The following ST3GAL3 variants were observed in gnomAD, a reference collection of about 807,000 sequenced individuals.
ST3GAL3 encodes the protein ST3 beta-galactoside alpha-2,3-sialyltransferase 3, also known as CMP-N-acetylneuraminate-beta-1,4-galactoside alpha-2,3-sialyltransferase.
A neutral mutation model predicts 50.1 loss-of-function variants in ST3GAL3; 21 were observed. That is an observed-to-expected ratio of 0.42 (90% CI 0.30 to 0.60). The LOEUF is 0.60. Among genes scored for constraint, ST3GAL3 ranks in the 20% least tolerant of loss-of-function variants. The pLI, the probability that ST3GAL3 is intolerant of heterozygous loss-of-function variation, is 0.19. For missense variants in ST3GAL3, 353 were observed against 489.4 expected (o/e 0.72, Z 2.63); for synonymous variants, 183 against 190.0 (o/e 0.96, Z 0.30).
At chr1:43,815,995 A>G (rs764001512) in intron 4 of ST3GAL3, among the ~76,000 whole-genome samples, 28 of 151,748 alleles carry the variant, frequency 1.8e-4, no homozygotes, top group African/African-American at 4.4e-4. Context: ...AGCTCTCTCT[A>G]CTCTGTGTGT....
chr1:43,751,949 G>A (rs1490090737), intron 2 of ST3GAL3, among the ~76,000 whole-genome samples: 1 of 151,952 alleles, frequency 6.6e-6, no homozygotes, highest in Non-Finnish European at 1.5e-5. Context: ...TTCCTCAGTA[G>A]CTGGGATTAC....
intron 4 of ST3GAL3, among the ~76,000 whole-genome samples, chr1:43,820,488 A>G (rs889493934): frequency 6.6e-6 from 1 of 152,222 alleles, no homozygotes; most frequent in Non-Finnish European, 1.5e-5. Flanking sequence ...TTGCACAGCA[A>G]AAGAAACTAT....
intron 1 of ST3GAL3, among the ~76,000 whole-genome samples, chr1:43,731,557 ATTTT>A (rs147263689): frequency 8.1e-6 from 1 of 123,546 alleles, no homozygotes. Context: ...GCTAATTTTA[ATTTT>A]TTTTTTTTTT....
At chr1:43,861,420 T>A (rs1186281724) in intron 5 of ST3GAL3, among the ~76,000 whole-genome samples, 1 of 130,654 alleles carries the variant, frequency 7.7e-6, no homozygotes, top group Admixed American at 8.0e-5. Flanking sequence ...TCCAGTAATA[T>A]GTCTTGGTGT....
chr1:43,759,435 C>T (rs1446444790), intron 2 of ST3GAL3, among the ~76,000 whole-genome samples: 6 of 152,144 alleles, frequency 3.9e-5, no homozygotes, highest in Non-Finnish European at 8.8e-5. Context: ...CAGAGCGAGA[C>T]TCCATCTCAA....
At chr1:43,732,576 T>TA (rs1571690443) in intron 1 of ST3GAL3, among the ~76,000 whole-genome samples, 1 of 152,306 alleles carries the variant, frequency 6.6e-6, no homozygotes, top group South Asian at 2.1e-4. Context: ...ACAACAGCTA[T>TA]AAAAAATCCT....
intron 2 of ST3GAL3, among the ~76,000 whole-genome samples, chr1:43,781,925 A>G (rs1572751529): frequency 6.6e-6 from 1 of 152,332 alleles, no homozygotes; most frequent in Non-Finnish European, 1.5e-5. Flanking sequence ...ATACTTCATT[A>G]AGTCAAACTG....
At chr1:43,858,435 C>A (rs1245660735) in intron 5 of ST3GAL3, 1 of 800,826 alleles carries the variant, frequency 1.2e-6, no homozygotes, top group Non-Finnish European at 1.7e-6. Flanking sequence ...CTGGTGAGAG[C>A]AGGCAGGCTG....
At chr1:43,889,013 C>G (rs1233283968) in intron 5 of ST3GAL3, among the ~76,000 whole-genome samples, 1 of 151,874 alleles carries the variant, frequency 6.6e-6, no homozygotes, top group Non-Finnish European at 1.5e-5. Flanking sequence ...ACCTACTTTA[C>G]AAAAGACTGG....
intron 11 of ST3GAL3, among the ~76,000 whole-genome samples, chr1:43,928,073 G>A (rs1267508834): frequency 6.6e-6 from 1 of 152,232 alleles, no homozygotes; most frequent in Admixed American, 6.5e-5. Context: ...AGATGTAAAA[G>A]ATTTGGAAGG....
intron 5 of ST3GAL3, chr1:43,841,989 C>A (rs1280881521): frequency 6.6e-6 from 1 of 152,214 alleles, no homozygotes; most frequent in Non-Finnish European, 1.5e-5. Context: ...AATATGCAAT[C>A]ATCACTCTCA....
chr1:43,753,892 C>T (rs1687086205), intron 2 of ST3GAL3, among the ~76,000 whole-genome samples: 1 of 152,174 alleles, frequency 6.6e-6, no homozygotes, highest in African/African-American at 2.4e-5. Flanking sequence ...AAGGGCTGTA[C>T]TCCCTCCCGC....
chr1:43,924,607 G>T lies in ST3GAL3; in HGVS notation c.1038+3679G>T, dbSNP rs140135897. Among the ~76,000 whole-genome samples the T allele has an allele frequency of 1.1e-3, 175 of 152,326 alleles. 1 individual carries two copies. The highest frequency in any genetic ancestry group is 4.1e-3 in the African/African-American group (169 of 41,554). On this transcript the variant is annotated intron_variant, in intron 11 of 11. Transcript: ENST00000347631. ...AGAATGAAGGAGAGGGGGCGAGGCA[G>T]GAACAGAACCTAGTTGGGAGTTGCT...
intron 5 of ST3GAL3, among the ~76,000 whole-genome samples, chr1:43,865,656 C>T (rs928093750): frequency 1.2e-4 from 18 of 152,158 alleles, no homozygotes; most frequent in African/African-American, 3.9e-4. Flanking sequence ...CACAAATACA[C>T]AGAAAGGAGA....
rs564486698 is a variant in ST3GAL3 at position 43,886,502 on chromosome 1, A to T, written c.303-7881A>T. On this transcript the variant is annotated intron_variant, in intron 5 of 11. Coordinates refer to ENST00000347631, the MANE Select transcript of ST3GAL3 (RefSeq NM_006279.5). ...TACTCCATAAATATGTACAATTATTATGTGCCTATTAAAAATTTTTTTAAA... is the reference window on the plus strand; with the variant it reads ...TACTCCATAAATATGTACAATTATTTTGTGCCTATTAAAAATTTTTTTAAA... Among the ~76,000 whole-genome samples the T allele has an allele frequency of 4.6e-5, 7 of 152,336 alleles. No homozygotes were observed. The South Asian group carries it at 1.2e-3, about 27-fold the overall frequency.
chr1:43,826,659 A>C (rs2062841000), intron 4 of ST3GAL3, among the ~76,000 whole-genome samples: 1 of 152,242 alleles, frequency 6.6e-6, no homozygotes, highest in South Asian at 2.1e-4. Context: ...ACTACGGACC[A>C]ATATCTCTCA....
At chr1:43,813,860 GACACACACACACACACACACAC>G (rs57947852) in intron 3 of ST3GAL3, among the ~76,000 whole-genome samples, 48 of 144,630 alleles carry the variant, frequency 3.3e-4, no homozygotes, top group African/African-American at 1.1e-3. Context: ...TTTTTGGCTA[GACACACACACACACACACACAC>G]ACACACACAC....
chr1:43,810,057 A>G (rs796533497), intron 3 of ST3GAL3, among the ~76,000 whole-genome samples: 4 of 151,828 alleles, frequency 2.6e-5, no homozygotes, highest in Admixed American at 1.3e-4. Flanking sequence ...ATTACTGGGG[A>G]AAAAAAATGA....
At chr1:43,850,854 C>CCTT in intron 5 of ST3GAL3, 1 of 1,223,814 alleles carries the variant, frequency 8.2e-7, no homozygotes, top group Non-Finnish European at 1.2e-6. Context: ...TCCCTGAAGG[C>CCTT]CAGGGAACAC....
Sources: gnomAD v4.1 joint callset for allele counts (sites outside exome capture counted in the v4.1 genomes callset) on GRCh38, gnomAD v4.1.1 for gene constraint, MANE v1.5 for transcripts, NCBI Gene and HGNC (gene_info 2026-07-23, HGNC 2026-07-21) for gene names.